CCDC18: variants seen among roughly 807,000 people sequenced by gnomAD.
CCDC18 encodes the protein coiled-coil domain-containing protein 18.
A neutral mutation model predicts 196.0 loss-of-function variants in CCDC18; 157 were observed. The observed-to-expected ratio is 0.80, with a 90% CI of 0.70 to 0.91. The LOEUF is 0.91. Among genes scored for constraint, CCDC18 ranks in the 40% least tolerant of loss-of-function variants. The pLI, the probability that CCDC18 is intolerant of heterozygous loss-of-function variation, is 0.00. For missense variants in CCDC18, 1,465 were observed against 1,611.6 expected (o/e 0.91, Z 1.56); for synonymous variants, 482 against 529.2 (o/e 0.91, Z 1.22).
chr1:93,198,543 A>G (rs1653189946), intron 6 of CCDC18, among the ~76,000 whole-genome samples: 2 of 152,240 alleles, frequency 1.3e-5, no homozygotes, highest in Non-Finnish European at 2.9e-5. Flanking sequence ...AAGTATACAC[A>G]TTATTATAAA....
chr1:93,239,332 C>G lies in CCDC18; in HGVS notation c.2626C>G (p.Gln876Glu). 2 of 1,600,418 alleles carry G rather than the reference C, an allele frequency of 1.2e-6. No individual in the cohort carries two copies. Among genetic ancestry groups the G allele is most frequent in the Middle Eastern group, 1.7e-4 (1 of 5,988 alleles). ...TARQVKIEMD[Q>E]YKEELSKMEK... ...TAGGCAAGTAAAGATTGAGATGGAT[C>G]AGTACAAAGAAGAGCTGTCTAAAAT... The change falls in exon 20 of 29, where the codon CAG becomes GAG. Residue 876 changes from glutamine to glutamate, a missense_variant. Physicochemically the swap from Gln to Glu is conservative, Grantham distance 29. Transcript: ENST00000690025.
chr1:93,254,641 A>AC, intron 24 of CCDC18, 27 bp downstream of exon 24: 2 of 1,593,164 alleles, frequency 1.3e-6, no homozygotes, highest in Non-Finnish European at 1.7e-6. Flanking sequence ...CACCTAAGGA[A>AC]CAAGTGGTAG....
intron 4 of CCDC18, among the ~76,000 whole-genome samples, chr1:93,187,663 A>G (rs1178407740): frequency 1.3e-5 from 2 of 152,142 alleles, no homozygotes; most frequent in East Asian, 1.9e-4. Context: ...ACAAAATGCT[A>G]TTAGGGATTA....
At chr1:93,253,658 T>C (rs1029529761) in intron 23 of CCDC18, among the ~76,000 whole-genome samples, 3 of 152,226 alleles carry the variant, frequency 2.0e-5, no homozygotes, top group African/African-American at 7.2e-5. Context: ...GGTCCACTGC[T>C]GAGACTGATG....
In CCDC18 at chr1:93,212,114, A is replaced by G; in HGVS notation, c.1348A>G (p.Ile450Val). 1 of 1,600,300 alleles carries G rather than the reference A, an allele frequency of 6.2e-7. No individual in the cohort carries two copies. Among genetic ancestry groups the G allele is most frequent in the Non-Finnish European group, 8.5e-7 (1 of 1,176,284 alleles). Residue 450 changes from isoleucine to valine, a missense_variant, in exon 11 of 29, where the codon ATA becomes GTA. Physicochemically the swap from Ile to Val is conservative, Grantham distance 29. Transcript: ENST00000690025. ...CTTTTGTGCCAGAATTAAGCTTGCA[A>G]TAAAAGAGGCAGAAATTCAAAAGCT... ...VISELRIKLA[I>V]KEAEIQKLHA...
chr1:93,266,632 A>G (rs2101413973), intron 27 of CCDC18, among the ~76,000 whole-genome samples: 1 of 152,350 alleles, frequency 6.6e-6, no homozygotes, highest in African/African-American at 2.4e-5. Context: ...ATCCCATAGA[A>G]ATACAAACTA....
upstream of CCDC18, chr1:93,180,456 A>T (rs181915221): frequency 2.6e-5 from 36 of 1,403,676 alleles, no homozygotes; most frequent in African/African-American, 4.0e-4. Context: ...CCTATTCCGC[A>T]ACCGCCTCAG....
chr1:93,179,966 G>T, upstream of CCDC18: 1 of 1,389,498 alleles, frequency 7.2e-7, no homozygotes, highest in Non-Finnish European at 9.8e-7. Context: ...CACCAGGGCC[G>T]TCCACCAGAA....
intron 28 of CCDC18, among the ~76,000 whole-genome samples, chr1:93,275,717 A>G (rs1404907823): frequency 6.6e-6 from 1 of 152,188 alleles, no homozygotes; most frequent in African/African-American, 2.4e-5. Flanking sequence ...TAAGGAAAAT[A>G]AGCAGGAGCA....
intron 3 of CCDC18, 52 bp from the exon 4 acceptor site, chr1:93,186,293 A>G (rs909782737): frequency 4.1e-5 from 62 of 1,511,744 alleles, no homozygotes; most frequent in Non-Finnish European, 5.3e-5. Context: ...AATTACATGT[A>G]ACCCTTAATT....
chr1:93,246,192 A>T lies in CCDC18; in HGVS notation c.3069A>T (p.Gln1023His). The change falls in exon 22 of 29, where the codon CAA becomes CAT. Residue 1023 changes from glutamine to histidine, a missense_variant. Physicochemically the swap from Gln to His is conservative, Grantham distance 24. Coordinates refer to ENST00000690025, the MANE Select transcript of CCDC18 (RefSeq NM_001378204.1). ...ALKERNWELK[Q>H]RAAQVTHLDM... Reference sequence around the variant, plus strand: ...AAGAGAGAAATTGGGAACTAAAGCAAAGAGCAGCTCAGGTTGATTTTTCTT... The same window carrying T: ...AAGAGAGAAATTGGGAACTAAAGCATAGAGCAGCTCAGGTTGATTTTTCTT... The T allele has an allele frequency of 6.2e-7, 1 of 1,603,210 alleles. No homozygotes were observed. The highest frequency in any genetic ancestry group is 8.5e-7 in the Non-Finnish European group (1 of 1,174,318).
At chr1:93,259,514 C>T (rs574713768) in intron 26 of CCDC18, among the ~76,000 whole-genome samples, 3 of 152,106 alleles carry the variant, frequency 2.0e-5, no homozygotes, top group Non-Finnish European at 2.9e-5. Context: ...GCTAATAAAG[C>T]GTTTTTTCTA....
chr1:93,201,190 C>A (rs1332175854), intron 6 of CCDC18, among the ~76,000 whole-genome samples: 1 of 151,892 alleles, frequency 6.6e-6, no homozygotes, highest in African/African-American at 2.4e-5. Flanking sequence ...AGTAATTCAC[C>A]CTGGATAAGA....
At position 93,224,403 on chromosome 1, in the gene CCDC18, A is replaced by G. The variant is rs139565320; in HGVS notation, c.2176-1930A>G. Among the ~76,000 whole-genome samples, 649 of 152,366 alleles carry G rather than the reference A, an allele frequency of 4.3e-3. 8 individuals are homozygous for G. The highest frequency in any genetic ancestry group is 5.0e-3 in the Non-Finnish European group (342 of 68,032). ...AGAAAGTCAACATTAAGTTAGTAAT[A>G]TCATTCAACATTGTCCGTACTAAAA... On this transcript the variant is annotated intron_variant, in intron 16 of 28. Transcript: ENST00000690025.
intron 6 of CCDC18, among the ~76,000 whole-genome samples, chr1:93,200,149 TA>T (rs1653574286): frequency 6.6e-6 from 1 of 152,002 alleles, no homozygotes. Flanking sequence ...CATGCCCAGT[TA>T]ACTTTTTGTA....
intron 17 of CCDC18, 122 bp from the exon 18 acceptor site, chr1:93,232,304 G>C: frequency 1.7e-6 from 1 of 605,386 alleles, no homozygotes; most frequent in Non-Finnish European, 2.9e-6. Context: ...CTATAGACAT[G>C]AATGCAATTG....
chr1:93,221,871 GAA>G lies in CCDC18; in HGVS notation c.2113_2114del (p.Asn705TyrfsTer5). ...TTACTGTTTTTAGGAAATGAAAAAG[GAA>G]AATATGAAGAAAGATGAAGCTTTAA... The part of the protein sequence containing the change: ...LTESKGEMKK[E>X]NMKKDEALKA... On this transcript the variant is annotated frameshift_variant, in exon 16 of 29. Coordinates refer to ENST00000690025, the MANE Select transcript of CCDC18 (RefSeq NM_001378204.1). LOFTEE classifies it high-confidence loss of function. 1.3e-6 allele frequency: 2 copies of G among 1,599,684 alleles called. No individual in the cohort carries two copies. The highest frequency in any genetic ancestry group is 8.5e-7 in the Non-Finnish European group (1 of 1,172,302).
chr1:93,272,278 A>G (rs976063670), intron 28 of CCDC18, among the ~76,000 whole-genome samples: 1 of 152,142 alleles, frequency 6.6e-6, no homozygotes, highest in African/African-American at 2.4e-5. Context: ...GCTTATTTCT[A>G]TATTTCTAGT....
At chr1:93,276,697 T>C (rs1196888128) in intron 28 of CCDC18, among the ~76,000 whole-genome samples, 2 of 152,078 alleles carry the variant, frequency 1.3e-5, no homozygotes, top group African/African-American at 4.8e-5. Flanking sequence ...ACAAGAAAAT[T>C]TGGCCCATAT....
Sources: allele counts gnomAD v4.1 joint callset (sites outside exome capture counted in the v4.1 genomes callset), GRCh38; gene constraint gnomAD v4.1.1; transcripts MANE v1.5; gene names NCBI Gene and HGNC (gene_info 2026-07-23, HGNC 2026-07-21).